ODAD3: variants seen among roughly 807,000 people sequenced by gnomAD.
The protein encoded by ODAD3 is outer dynein arm docking complex subunit 3.
In ODAD3, 57 loss-of-function variants were observed where a neutral mutation model predicts 70.9. The ratio of observed to expected loss-of-function variants is 0.80; its 90% CI spans 0.65 to 1.00. ODAD3 has a LOEUF of 1.00. Ranked by LOEUF, ODAD3 falls within the 50% of genes least tolerant of loss-of-function variation. The pLI, the probability that ODAD3 is intolerant of heterozygous loss-of-function variation, is 0.00. For missense variants in ODAD3, 797 were observed against 763.9 expected (o/e 1.04, Z -0.51); for synonymous variants, 327 against 315.9 (o/e 1.04, Z -0.37).
chr19:11,425,503 ATATG>A (rs1969332469), intron 7 of ODAD3, among the ~76,000 whole-genome samples: 1 of 142,406 alleles, frequency 7.0e-6, no homozygotes, highest in Non-Finnish European at 1.5e-5. Flanking sequence ...ATATATGTAT[ATATG>A]TGTGTATATA....
chr19:11,425,407 A>ATGTGTATATG (rs1969319774), intron 7 of ODAD3, among the ~76,000 whole-genome samples: 1 of 110,622 alleles, frequency 9.0e-6, no homozygotes, highest in African/African-American at 6.6e-5. Context: ...ATATGTATAT[A>ATGTGTATATG]TACATATATG....
At chr19:11,421,889 CA>C in intron 10 of ODAD3, 57 bp from the exon 11 acceptor site, 1 of 1,549,268 alleles carries the variant, frequency 6.5e-7, no homozygotes, top group Non-Finnish European at 8.7e-7. Context: ...TGGAAGGCTC[CA>C]CCCAGGGGCG....
Position 11,420,735 on chromosome 19 carries a change from G to C in ODAD3, c.*100C>G. 2 of 1,037,462 alleles carry C rather than the reference G, an allele frequency of 1.9e-6. No homozygotes were observed. The highest frequency in any genetic ancestry group is 2.9e-6 in the Non-Finnish European group (2 of 687,092). 64.3% of individuals were successfully genotyped at this position (1,037,462 alleles called of 1,614,324 possible). A position where few individuals can be genotyped will look rare whatever the true frequency, so the allele number is the denominator to read the frequency against. ...CGCTGGCCGCCTCCGTTCCCGGTCC[G>C]GGCCGCGTTCAGCCCCTGAAGGGGC... On this transcript the variant is annotated 3_prime_UTR_variant, in exon 13 of 13. Transcript: ENST00000356392.
Position 11,421,034 on chromosome 19 carries a change from C to T in ODAD3, c.1676-87G>A. The T allele has an allele frequency of 5.1e-6, 8 of 1,575,120 alleles. No individual in the cohort carries two copies. The South Asian group carries it at 8.9e-5, about 17-fold the overall frequency. ...CCCTTCCCTTTACCACCCCACTCCA[C>T]CCCCACCTTGGCCCTGAACAGGGTA... On this transcript the variant is annotated intron_variant, in intron 12 of 12. Coordinates refer to ENST00000356392, the MANE Select transcript of ODAD3 (RefSeq NM_145045.5).
chr19:11,433,946 C>T (rs183418312), intron 1 of ODAD3, among the ~76,000 whole-genome samples: 5 of 151,806 alleles, frequency 3.3e-5, no homozygotes, highest in East Asian at 3.9e-4. Context: ...AGGCTGGGCG[C>T]GGTGGCTCAC....
In ODAD3 at chr19:11,422,229, G is replaced by C. The variant is rs995568122; in HGVS notation, c.1434+242C>G. Among the ~76,000 whole-genome samples, 4 of 152,086 alleles carry C rather than the reference G, an allele frequency of 2.6e-5. No homozygotes were observed. Among genetic ancestry groups the C allele is most frequent in the Admixed American group, 6.5e-5 (1 of 15,270 alleles). Reference sequence around the variant, plus strand: ...TTCCCTTGGAGGCGGAGCTTGAGACGGGACAGGGTCTCTGACGTCTTGGGC... The same window carrying C: ...TTCCCTTGGAGGCGGAGCTTGAGACCGGACAGGGTCTCTGACGTCTTGGGC... On this transcript the variant is annotated intron_variant, in intron 10 of 12. Coordinates refer to ENST00000356392, the MANE Select transcript of ODAD3 (RefSeq NM_145045.5). This position sits in a 1 kb window ranked among gnomAD's most constrained non-coding sequence, Gnocchi z 4.6.
At position 11,422,637 on chromosome 19, in the gene ODAD3, G is replaced by A. The variant is rs749172375; in HGVS notation, c.1278-10C>T. The A allele has an allele frequency of 2.5e-6, 4 of 1,603,226 alleles. No individual in the cohort carries two copies. The highest frequency in any genetic ancestry group is 3.4e-6 in the Non-Finnish European group (4 of 1,176,442). The stretch of plus-strand genomic sequence containing the variant: ...TTGCAGTTTCTGCTGGCTGCAGGGA[G>A]CCGGGAGGTCACCCCGGGGGCTCAG... On this transcript the variant is annotated splice_polypyrimidine_tract_variant and intron_variant, in intron 9 of 12. Coordinates refer to ENST00000356392, the MANE Select transcript of ODAD3 (RefSeq NM_145045.5). The surrounding 1 kb of genome is among the most constrained non-coding windows in gnomAD (Gnocchi z 4.6).
chr19:11,421,307 T>G (rs1486297617), intron 11 of ODAD3, 95 bp from the exon 12 acceptor site: 1 of 1,175,854 alleles, frequency 8.5e-7, no homozygotes, highest in Non-Finnish European at 1.2e-6. Context: ...TTCCGAGATA[T>G]GCCCTAGTTC....
chr19:11,423,082 T>C lies in ODAD3; in HGVS notation c.1117-221A>G, dbSNP rs79037649. Among the ~76,000 whole-genome samples the C allele has an allele frequency of 1.0e-2, 1,518 of 152,310 alleles. 26 individuals carry two copies. The highest frequency in any genetic ancestry group is 0.035 in the African/African-American group (1,447 of 41,562). On this transcript the variant is annotated intron_variant, in intron 8 of 12. Coordinates refer to ENST00000356392, the MANE Select transcript of ODAD3 (RefSeq NM_145045.5). ...TTTGCGGGGCCCTTTCTGGCCTATA[T>C]AAGGAATTTGAGTCAGCCCAAACTC...
rs996310571 is a variant in ODAD3 at position 11,424,999 on chromosome 19, A to G, written c.964-970T>C. On this transcript the variant is annotated intron_variant, in intron 7 of 12. Coordinates refer to ENST00000356392, the MANE Select transcript of ODAD3 (RefSeq NM_145045.5). ...TATATGTGTATATGTACATATGTGT[A>G]TATGTATATATGTGTATATATACAT... Among the ~76,000 whole-genome samples the G allele has an allele frequency of 2.2e-5, 3 of 133,908 alleles. No homozygotes were observed. In the East Asian group the frequency reaches 6.7e-4, roughly 30 times the overall value. 87.8% of individuals were successfully genotyped at this position (133,908 alleles called of 152,430 possible).
chr19:11,420,805 G>T lies in ODAD3; in HGVS notation c.*30C>A. On this transcript the variant is annotated 3_prime_UTR_variant, in exon 13 of 13. Transcript: ENST00000356392. ...ACCCGGAGGGATCGGGGGCTCCGAA[G>T]GGGGCCGCCTGGTGGGTGTCAGGAC... 6.3e-7 allele frequency: 1 copy of T among 1,588,794 alleles called. No homozygotes were observed. Among genetic ancestry groups the T allele is most frequent in the Non-Finnish European group, 8.6e-7 (1 of 1,157,462 alleles).
rs1431454771 is a variant in ODAD3, at chr19:11,426,763, G to A, written c.634C>T (p.Arg212Cys). The A allele has an allele frequency of 1.2e-6, 2 of 1,613,896 alleles. No homozygotes were observed. Among genetic ancestry groups the A allele is most frequent in the South Asian group, 1.1e-5 (1 of 91,074 alleles). The change falls in exon 5 of 13, where the codon CGC becomes TGC. Residue 212 changes from arginine to cysteine, a missense_variant. Transcript: ENST00000356392. Reference protein sequence around the residue: ...VAKTMRNLENRLEKAQMKAQE... With the variant: ...VAKTMRNLENCLEKAQMKAQE... The stretch of plus-strand genomic sequence containing the variant: ...GCCTTCATCTGGGCCTTCTCCAGGC[G>A]GTTCTCCAGGTTCCGCATGGTCTGG...
intron 7 of ODAD3, among the ~76,000 whole-genome samples, chr19:11,424,987 G>GTGTATATGTATATATGTGTATATA (rs1969252318): frequency 8.2e-5 from 10 of 121,730 alleles, no homozygotes; most frequent in Non-Finnish European, 1.5e-4. Context: ...ATGTGTATAT[G>GTGTATATGTATATATGTGTATATA]TACATATGTG....
chr19:11,423,822 G>T, intron 8 of ODAD3, 55 bp downstream of exon 8: 1 of 1,487,394 alleles, frequency 6.7e-7, no homozygotes. Flanking sequence ...GCACCCCTGG[G>T]GCCCGTCTGG....
rs1398040771 is a variant in ODAD3, at chr19:11,425,279, A to ATG, written c.963+864_963+865insCA. On this transcript the variant is annotated intron_variant, in intron 7 of 12. Transcript: ENST00000356392. ...TATGTACATATGTGTATATGTGTGTATATGTACATATGTGTATATATGTGT... is the reference window on the plus strand; with the variant it reads ...TATGTACATATGTGTATATGTGTGTATGTATGTACATATGTGTATATATGTGT... Among the ~76,000 whole-genome samples, 25 of 140,586 alleles carry ATG rather than the reference A, an allele frequency of 1.8e-4. 1 individual carries two copies. The highest frequency in any genetic ancestry group is 6.7e-4 in the African/African-American group (23 of 34,358). 92.2% of individuals were successfully genotyped at this position (140,586 alleles called of 152,430 possible).
rs1969395309 is a variant in ODAD3 at position 11,427,040 on chromosome 19, C to T, written c.445G>A (p.Ala149Thr). 2 of 1,578,540 alleles carry T rather than the reference C, an allele frequency of 1.3e-6. No individual in the cohort carries two copies. The highest frequency in any genetic ancestry group is 2.3e-5 in the East Asian group (1 of 44,118). Reference protein sequence around the residue: ...KPYLKNRTGQALEHLDHRLRE... With the variant: ...KPYLKNRTGQTLEHLDHRLRE... ...AGCCGGTGGTCTAGGTGCTCCAGGG[C>T]CTGCCGCAAGGAGGGGAGCGAAAGC... The change falls in exon 4 of 13, where the codon GCC (alanine) becomes ACC (threonine). Residue 149 changes from alanine to threonine, a missense_variant and splice_region_variant. Coordinates refer to ENST00000356392, the MANE Select transcript of ODAD3 (RefSeq NM_145045.5).
At chr19:11,428,313 C>T (rs1414132793) in intron 3 of ODAD3, among the ~76,000 whole-genome samples, 1 of 152,194 alleles carries the variant, frequency 6.6e-6, no homozygotes, top group East Asian at 1.9e-4. Context: ...TCGATCTTGG[C>T]TCACTGCAAC....
At position 11,430,956 on chromosome 19, in the gene ODAD3, G is replaced by T. The variant is rs756802725; in HGVS notation, c.309C>A (p.Ile103=). The T allele has an allele frequency of 2.5e-6, 4 of 1,614,094 alleles. No individual in the cohort carries two copies. The East Asian group carries it at 6.7e-5, about 27-fold the overall frequency. Reference sequence around the variant, plus strand: ...CCTTAGTCTCCTTGCGGAGCTGACTGATGGTCTCCTGGTTCTTCTTGATGT... The same window carrying T: ...CCTTAGTCTCCTTGCGGAGCTGACTTATGGTCTCCTGGTTCTTCTTGATGT... ...QWNIKKNQET[I]SQLRKETKAL... Residue 103 remains isoleucine, a synonymous_variant, in exon 2 of 13, where the codon ATC becomes ATA. Transcript: ENST00000356392.
At chr19:11,421,956 T>A in intron 10 of ODAD3, 124 bp from the exon 11 acceptor site, 1 of 1,065,526 alleles carries the variant, frequency 9.4e-7, no homozygotes, top group Non-Finnish European at 1.3e-6. Flanking sequence ...GCAGGGTCGA[T>A]CCTAGCCATT....
Sources: gnomAD v4.1 joint callset for allele counts (sites outside exome capture counted in the v4.1 genomes callset) on GRCh38, gnomAD v4.1.1 for gene constraint, Gnocchi (gnomAD v3.1) non-coding constraint, MANE v1.5 for transcripts, NCBI Gene and HGNC (gene_info 2026-07-23, HGNC 2026-07-21) for gene names.